The following GPC5 variants were observed in gnomAD, a reference collection of about 807,000 sequenced individuals.
GPC5 encodes the protein glypican-5.
In GPC5, 47 loss-of-function variants were observed where a neutral mutation model predicts 53.9. The ratio of observed to expected loss-of-function variants is 0.87; its 90% CI spans 0.69 to 1.11. The LOEUF (loss-of-function observed/expected upper bound fraction) is 1.11. Among genes scored for constraint, GPC5 ranks in the 50% most tolerant of loss-of-function variants. The probability of loss-of-function intolerance (pLI) is 0.00; values close to 1 mark genes in which losing one functional copy is unlikely to be tolerated. For missense variants in GPC5, 748 were observed against 713.1 expected (o/e 1.05, Z -0.56); for synonymous variants, 286 against 263.3 (o/e 1.09, Z -0.84).
At chr13:92,011,991 T>C (rs2040665837) in intron 6 of GPC5, among the ~76,000 whole-genome samples, 1 of 152,154 alleles carries the variant, frequency 6.6e-6, no homozygotes, top group African/African-American at 2.4e-5. Context: ...TGGGGAAGGT[T>C]TGAGGAGATT....
intron 5 of GPC5, among the ~76,000 whole-genome samples, chr13:91,798,177 T>C (rs2038076373): frequency 6.6e-6 from 1 of 152,184 alleles, no homozygotes; most frequent in African/African-American, 2.4e-5. Context: ...TCCAAATTCT[T>C]TCTCTTCAAC....
At chr13:91,808,441 G>T (rs2038257119) in intron 5 of GPC5, among the ~76,000 whole-genome samples, 1 of 152,010 alleles carries the variant, frequency 6.6e-6, no homozygotes, top group African/African-American at 2.4e-5. Flanking sequence ...TGAACACGTG[G>T]ACTCTAATTA....
rs115736966 is a variant in GPC5, at chr13:91,505,801, A to T, written c.325+56879A>T. On this transcript the variant is annotated intron_variant, in intron 2 of 7. Coordinates refer to ENST00000377067, the MANE Select transcript of GPC5 (RefSeq NM_004466.6). Reference sequence around the variant, plus strand: ...GGATGTAAGATACCACTTTAACTGGAAACCTTTTCCTCTGTAACTCCTTTT... The same window carrying T: ...GGATGTAAGATACCACTTTAACTGGTAACCTTTTCCTCTGTAACTCCTTTT... Among the ~76,000 whole-genome samples the T allele has an allele frequency of 3.5e-3, 527 of 152,284 alleles. 4 individuals carry two copies. Among genetic ancestry groups the T allele is most frequent in the African/African-American group, 0.011 (471 of 41,560 alleles).
chr13:92,857,201 A>G (rs970320698), intron 7 of GPC5, among the ~76,000 whole-genome samples: 2 of 152,180 alleles, frequency 1.3e-5, no homozygotes, highest in Admixed American at 6.6e-5. Flanking sequence ...AAAGTTGACA[A>G]ACATAAGCAA....
intron 6 of GPC5, among the ~76,000 whole-genome samples, chr13:92,010,718 A>C (rs1419063032): frequency 6.6e-6 from 1 of 152,198 alleles, no homozygotes; most frequent in Non-Finnish European, 1.5e-5. Flanking sequence ...GGCCACAGCA[A>C]GAGAATGGTC....
At chr13:92,568,793 G>T (rs1430972128) in intron 7 of GPC5, among the ~76,000 whole-genome samples, 5 of 152,084 alleles carry the variant, frequency 3.3e-5, no homozygotes, top group Non-Finnish European at 7.4e-5. Context: ...GAAAATCAGT[G>T]CACAGAGAGG....
chr13:92,403,526 G>A (rs957327707), intron 7 of GPC5, among the ~76,000 whole-genome samples: 2 of 152,170 alleles, frequency 1.3e-5, no homozygotes, highest in Admixed American at 6.5e-5. Context: ...GATCTAGGCT[G>A]CATGTTCCTT....
chr13:92,271,284 C>T (rs978562559), intron 7 of GPC5, among the ~76,000 whole-genome samples: 49 of 152,278 alleles, frequency 3.2e-4, no homozygotes, highest in African/African-American at 1.1e-3. Context: ...TCATTTGTAG[C>T]TTCACATTTT....
chr13:91,910,937 G>C (rs1168145337), intron 6 of GPC5, among the ~76,000 whole-genome samples: 1 of 152,090 alleles, frequency 6.6e-6, no homozygotes, highest in Non-Finnish European at 1.5e-5. Context: ...GGATGAGGTA[G>C]GGAAAGATAT....
In GPC5 at chr13:92,753,674, G is replaced by A. The variant is rs866140249; in HGVS notation, c.1562-112608G>A. Among the ~76,000 whole-genome samples the A allele has an allele frequency of 4.6e-5, 7 of 152,210 alleles. No individual in the cohort carries two copies. In the South Asian group the frequency reaches 1.2e-3, roughly 27 times the overall value. ...CTGAAAACCAAGGCTCGAGAACTAC[G>A]TGAAGAATGCAGAAACCTCAGGAGC... On this transcript the variant is annotated intron_variant, in intron 7 of 7. Coordinates refer to ENST00000377067, the MANE Select transcript of GPC5 (RefSeq NM_004466.6).
intron 7 of GPC5, among the ~76,000 whole-genome samples, chr13:92,793,849 C>A (rs1168665814): frequency 6.6e-6 from 1 of 152,106 alleles, no homozygotes; most frequent in Non-Finnish European, 1.5e-5. Context: ...AGTTGAATCC[C>A]TGAATAGACC....
chr13:91,522,269 G>T (rs1381363254), intron 2 of GPC5, among the ~76,000 whole-genome samples: 1 of 152,130 alleles, frequency 6.6e-6, no homozygotes, highest in Admixed American at 6.5e-5. Flanking sequence ...AACGTGCCTT[G>T]GTCTTTCCTG....
At chr13:92,078,970 C>T (rs2041273926) in intron 6 of GPC5, among the ~76,000 whole-genome samples, 1 of 152,192 alleles carries the variant, frequency 6.6e-6, no homozygotes, top group Non-Finnish European at 1.5e-5. Context: ...GCAGTGTCAT[C>T]CAGTTCCCTG....
At chr13:92,659,013 C>A (rs1386199936) in intron 7 of GPC5, 2 of 142,374 alleles carry the variant, frequency 1.4e-5, no homozygotes, top group South Asian at 2.3e-4. Flanking sequence ...ACTGCAAGCT[C>A]CGCCTCCCGG....
At chr13:91,717,041 G>A (rs2036353730) in intron 3 of GPC5, among the ~76,000 whole-genome samples, 1 of 152,210 alleles carries the variant, frequency 6.6e-6, no homozygotes, top group South Asian at 2.1e-4. Flanking sequence ...CCGGGGACGT[G>A]CAAACCAAAT....
chr13:91,460,165 T>C (rs2139138644), intron 2 of GPC5, among the ~76,000 whole-genome samples: 1 of 152,288 alleles, frequency 6.6e-6, no homozygotes, highest in Non-Finnish European at 1.5e-5. Context: ...CTTAAGACTC[T>C]TGGGACTCAA....
chr13:92,541,531 T>G (rs1169129013), intron 7 of GPC5, among the ~76,000 whole-genome samples: 3 of 151,820 alleles, frequency 2.0e-5, no homozygotes, highest in African/African-American at 7.2e-5. Flanking sequence ...CTTTCTTATT[T>G]TAGATACTAG....
intron 7 of GPC5, among the ~76,000 whole-genome samples, chr13:92,727,662 T>C (rs912542189): frequency 1.3e-5 from 2 of 151,394 alleles, no homozygotes; most frequent in Admixed American, 1.3e-4. Flanking sequence ...GTAGACACTT[T>C]TTCAAGCTTC....
At chr13:91,499,900 T>G (rs1884521673) in intron 2 of GPC5, among the ~76,000 whole-genome samples, 1 of 152,256 alleles carries the variant, frequency 6.6e-6, no homozygotes, top group African/African-American at 2.4e-5. Context: ...TTCAAGGGTT[T>G]ATTTATTGCC....
Sources: allele counts gnomAD v4.1 joint callset (sites outside exome capture counted in the v4.1 genomes callset), GRCh38; gene constraint gnomAD v4.1.1; transcripts MANE v1.5; gene names NCBI Gene and HGNC (gene_info 2026-07-23, HGNC 2026-07-21).